MAGI2: variants seen among roughly 807,000 people sequenced by gnomAD.
MAGI2 encodes the protein membrane-associated guanylate kinase, WW and PDZ domain-containing protein 2.
A neutral mutation model predicts 133.3 loss-of-function variants in MAGI2; 35 were observed. The ratio of observed to expected loss-of-function variants is 0.26; its 90% CI spans 0.20 to 0.35. The LOEUF (loss-of-function observed/expected upper bound fraction) is 0.35. Among genes scored for constraint, MAGI2 ranks in the 10% least tolerant of loss-of-function variants. The pLI is 1.00. For missense variants in MAGI2, 1,636 were observed against 1,863.4 expected, an observed-to-expected ratio of 0.88 and a Z score of 2.25; for synonymous variants, 729 against 710.6, an observed-to-expected ratio of 1.03 and a Z score of -0.41.
At chr7:79,322,563 A>G (rs970770202) in intron 1 of MAGI2, among the ~76,000 whole-genome samples, 2 of 152,092 alleles carry the variant, frequency 1.3e-5, no homozygotes, top group African/African-American at 4.8e-5. Context: ...AGGTGGGCAG[A>G]TCACCTGAGG....
At chr7:78,460,941 A>AACACAC (rs5885065) in intron 6 of MAGI2, among the ~76,000 whole-genome samples, 1 of 150,260 alleles carries the variant, frequency 6.7e-6, no homozygotes, top group Non-Finnish European at 1.5e-5. Flanking sequence ...GATCTGGTAA[A>AACACAC]ACACACACAC....
intron 3 of MAGI2, among the ~76,000 whole-genome samples, chr7:78,619,726 A>G (rs916261996): frequency 2.6e-5 from 4 of 151,972 alleles, no homozygotes; most frequent in Non-Finnish European, 5.9e-5. Context: ...CCAACATAGC[A>G]TGCAAAAACC....
At chr7:78,627,571 A>T (rs557683243) in intron 2 of MAGI2, among the ~76,000 whole-genome samples, 34 of 152,262 alleles carry the variant, frequency 2.2e-4, no homozygotes, top group Middle Eastern at 3.4e-3. Flanking sequence ...CTAGTTCAGG[A>T]ATTTATATAT....
At chr7:78,311,072 A>C (rs1045218272) in intron 9 of MAGI2, among the ~76,000 whole-genome samples, 23 of 152,214 alleles carry the variant, frequency 1.5e-4, no homozygotes, top group Non-Finnish European at 8.8e-5. Flanking sequence ...TTTTACCTCA[A>C]CTAGTATATC....
At chr7:78,526,508 T>G (rs1796965157) in intron 3 of MAGI2, among the ~76,000 whole-genome samples, 1 of 152,208 alleles carries the variant, frequency 6.6e-6, no homozygotes, top group Non-Finnish European at 1.5e-5. Context: ...AAATGATACA[T>G]AAAATTGTCC....
At chr7:78,430,100 C>T (rs939071911) in intron 6 of MAGI2, among the ~76,000 whole-genome samples, 19 of 152,086 alleles carry the variant, frequency 1.2e-4, no homozygotes, top group African/African-American at 4.6e-4. Context: ...ATGCAGATTC[C>T]AATTCCATAT....
At chr7:78,793,585 T>C (rs1174938561) in intron 2 of MAGI2, among the ~76,000 whole-genome samples, 2 of 152,154 alleles carry the variant, frequency 1.3e-5, no homozygotes, top group East Asian at 3.9e-4. Context: ...GTTAATATAA[T>C]CTTACCATAA....
intron 9 of MAGI2, among the ~76,000 whole-genome samples, chr7:78,312,831 C>A (rs1042342899): frequency 4.6e-5 from 7 of 151,648 alleles, no homozygotes; most frequent in African/African-American, 1.5e-4. Context: ...AAGATACCTG[C>A]ATACATATAT....
At chr7:78,404,604 C>G (rs1797208270) in intron 6 of MAGI2, among the ~76,000 whole-genome samples, 1 of 152,132 alleles carries the variant, frequency 6.6e-6, no homozygotes, top group Non-Finnish European at 1.5e-5. Context: ...GCTGGGAAAA[C>G]TGGCTAGCCA....
chr7:79,383,859 T>C (rs1843985866), intron 1 of MAGI2, among the ~76,000 whole-genome samples: 1 of 151,420 alleles, frequency 6.6e-6, no homozygotes, highest in African/African-American at 2.4e-5. Flanking sequence ...TAATTTCAAA[T>C]AATGAAATAC....
At chr7:79,065,213 A>G (rs1814181266) in intron 1 of MAGI2, among the ~76,000 whole-genome samples, 1 of 152,134 alleles carries the variant, frequency 6.6e-6, no homozygotes, top group Non-Finnish European at 1.5e-5. Flanking sequence ...ATTCCATTAT[A>G]CAGTTGTTTT....
chr7:78,133,544 C>T (rs1821786509), intron 17 of MAGI2, among the ~76,000 whole-genome samples: 1 of 152,100 alleles, frequency 6.6e-6, no homozygotes, highest in Admixed American at 6.6e-5. Context: ...GCCTCATAGC[C>T]CACTGGACTC....
chr7:78,025,502 A>G (rs543570128), intron 21 of MAGI2, among the ~76,000 whole-genome samples: 1 of 152,362 alleles, frequency 6.6e-6, no homozygotes, highest in South Asian at 2.1e-4. Context: ...CGACACAAAA[A>G]TAAGTGCTTG....
rs1396018427 is a variant in MAGI2 at position 78,256,424 on chromosome 7, G to C, written c.1566C>G (p.Ser522Arg). 6.2e-7 allele frequency: 1 copy of C among 1,613,952 alleles called. No homozygotes were observed. The highest frequency in any genetic ancestry group is 8.5e-7 in the Non-Finnish European group (1 of 1,179,964). ...CCATTATTGCAAGGGGTGGCACCAT[G>C]CTGTTAGCAGGGTCTTCAGGATCAA... ...LPFDPEDPAN[S>R]MVPPLAIMER... Residue 522 changes from serine (S) to arginine (R), a missense_variant, in exon 10 of 22, where the codon AGC becomes AGG. This residue lies in a region of MAGI2 where 920 missense variants were observed against 1,093.5 expected (regional missense o/e 0.84). Coordinates refer to ENST00000354212, the MANE Select transcript of MAGI2 (RefSeq NM_012301.4).
At chr7:79,229,623 T>G (rs1342595750) in intron 1 of MAGI2, among the ~76,000 whole-genome samples, 2 of 152,218 alleles carry the variant, frequency 1.3e-5, no homozygotes. Flanking sequence ...CATATGAATC[T>G]GTGTTTAGCA....
At chr7:78,916,718 T>C (rs980100186) in intron 2 of MAGI2, among the ~76,000 whole-genome samples, 1 of 152,110 alleles carries the variant, frequency 6.6e-6, no homozygotes, top group African/African-American at 2.4e-5. Context: ...CTGTATGTCA[T>C]TCTTTGACAG....
chr7:79,076,087 A>G (rs1297000190), intron 1 of MAGI2, among the ~76,000 whole-genome samples: 1 of 152,218 alleles, frequency 6.6e-6, no homozygotes, highest in African/African-American at 2.4e-5. Flanking sequence ...AAGCAAAAAT[A>G]TGGAGCAACC....
At position 78,390,656 on chromosome 7, in the gene MAGI2, G is replaced by A. The variant is rs539145667; in HGVS notation, c.1046-21443C>T. ...ACTGGTGGGGGTGGGGGGTGGAGGG[G>A]AAGCTACTCTATATTAAGAAAAAGG... On this transcript the variant is annotated intron_variant, in intron 6 of 21. Coordinates refer to ENST00000354212, the MANE Select transcript of MAGI2 (RefSeq NM_012301.4). Among the ~76,000 whole-genome samples, 46 of 151,624 alleles carry A rather than the reference G, an allele frequency of 3.0e-4. 1 individual carries two copies. Among genetic ancestry groups the A allele is most frequent in the Admixed American group, 1.1e-3 (17 of 15,212 alleles).
intron 2 of MAGI2, among the ~76,000 whole-genome samples, chr7:78,811,893 T>C (rs1789095315): frequency 6.6e-6 from 1 of 152,176 alleles, no homozygotes; most frequent in Non-Finnish European, 1.5e-5. Flanking sequence ...AAACTAAAGA[T>C]GCTGGGATGA....
Sources: gnomAD v4.1 joint callset for allele counts (sites outside exome capture counted in the v4.1 genomes callset) on GRCh38, gnomAD v4.1.1 for gene constraint, gnomAD v4.1.1 regional missense constraint, MANE v1.5 for transcripts, NCBI Gene and HGNC (gene_info 2026-07-23, HGNC 2026-07-21) for gene names.